The following ZSCAN32 variants were observed in gnomAD, a reference collection of about 807,000 sequenced individuals.
The protein encoded by ZSCAN32 is zinc finger and SCAN domain-containing protein 32.
ZSCAN32 carries 52 observed loss-of-function variants against 47.4 expected under a neutral mutation model. The ratio of observed to expected loss-of-function variants is 1.10; its 90% CI spans 0.88 to 1.38. The LOEUF (loss-of-function observed/expected upper bound fraction) is 1.38. Ranked by LOEUF, ZSCAN32 falls within the 40% of genes most tolerant of loss-of-function variation. The probability of loss-of-function intolerance (pLI) is 0.00; values close to 1 mark genes in which losing one functional copy is unlikely to be tolerated. For synonymous variants in ZSCAN32, 346 were observed against 305.7 expected (o/e 1.13, Z -1.38); for missense variants, 959 against 846.0 (o/e 1.13, Z -1.66).
At chr16:3,400,278 G>C (rs2033766908) in intron 1 of ZSCAN32, among the ~76,000 whole-genome samples, 1 of 152,150 alleles carries the variant, frequency 6.6e-6, no homozygotes, top group Non-Finnish European at 1.5e-5. Flanking sequence ...AAGAAACTGA[G>C]AGCGATGAAG....
At position 3,382,814 on chromosome 16, in the gene ZSCAN32, T is replaced by C. The variant is rs1304097524; in HGVS notation, c.*38A>G. ...ACAGCAGAAGAAAGCTCATACATGC[T>C]GACCTGAGGAACTTAATCTGACAGT... On this transcript the variant is annotated 3_prime_UTR_variant, in exon 7 of 7. Coordinates refer to ENST00000396852, the MANE Select transcript of ZSCAN32 (RefSeq NM_001284527.2). 3 of 1,529,464 alleles carry C rather than the reference T, an allele frequency of 2.0e-6. No homozygotes were observed. In the South Asian group the frequency reaches 3.9e-5, roughly 20 times the overall value. 94.7% of individuals were successfully genotyped at this position (1,529,464 alleles called of 1,614,324 possible).
chr16:3,392,384 T>A (rs1303989756), intron 3 of ZSCAN32, among the ~76,000 whole-genome samples: 1 of 152,114 alleles, frequency 6.6e-6, no homozygotes, highest in East Asian at 1.9e-4. Flanking sequence ...AATTTTTTTT[T>A]TTTTTTTTTG....
intron 6 of ZSCAN32, 181 bp from the exon 7 acceptor site, chr16:3,383,892 T>C: frequency 1.3e-6 from 1 of 754,764 alleles, no homozygotes; most frequent in Non-Finnish European, 2.0e-6. Flanking sequence ...TCCAAATTAT[T>C]ACAGGAAAAT....
chr16:3,391,098 A>C (rs889630613), intron 3 of ZSCAN32, among the ~76,000 whole-genome samples: 1 of 152,234 alleles, frequency 6.6e-6, no homozygotes, highest in South Asian at 2.1e-4. Flanking sequence ...AAAATGAATC[A>C]TGTCTATGAC....
chr16:3,393,601 A>G (rs1031917407), intron 3 of ZSCAN32, 48 bp downstream of exon 3: 1 of 1,468,122 alleles, frequency 6.8e-7, no homozygotes, highest in Non-Finnish European at 9.1e-7. Flanking sequence ...TTTCCAGTAA[A>G]TGATTGTTCC....
intron 5 of ZSCAN32, among the ~76,000 whole-genome samples, chr16:3,388,620 G>A (rs1190068259): frequency 1.3e-5 from 2 of 152,152 alleles, no homozygotes; most frequent in African/African-American, 4.8e-5. Flanking sequence ...TAATATTTGT[G>A]GAAAGAATGA....
At chr16:3,394,643 T>C (rs1257626970) in intron 2 of ZSCAN32, among the ~76,000 whole-genome samples, 1 of 152,172 alleles carries the variant, frequency 6.6e-6, no homozygotes, top group Admixed American at 6.5e-5. Context: ...AACAGCACTC[T>C]TCAGTGGCTT....
intron 6 of ZSCAN32, 91 bp downstream of exon 6, chr16:3,384,368 G>T (rs1303427544): frequency 2.6e-6 from 4 of 1,526,770 alleles, no homozygotes; most frequent in South Asian, 1.2e-5. Flanking sequence ...ATGATGCCAG[G>T]ATCAGTGACA....
At chr16:3,400,221 A>ATC (rs2033760300) in intron 1 of ZSCAN32, among the ~76,000 whole-genome samples, 2 of 152,368 alleles carry the variant, frequency 1.3e-5, no homozygotes, top group South Asian at 4.1e-4. Context: ...TTCTAGAGAT[A>ATC]GAGAAATCAA....
At chr16:3,389,122 C>A (rs1275931001) in intron 5 of ZSCAN32, among the ~76,000 whole-genome samples, 1 of 152,190 alleles carries the variant, frequency 6.6e-6, no homozygotes, top group South Asian at 2.1e-4. Flanking sequence ...ACACTATACT[C>A]TCCTGCAACT....
chr16:3,385,303 T>G (rs1436207533), intron 5 of ZSCAN32, among the ~76,000 whole-genome samples: 1 of 152,104 alleles, frequency 6.6e-6, no homozygotes, highest in Non-Finnish European at 1.5e-5. Context: ...TCCAGCCTGA[T>G]GACAGAGAGA....
rs1163400668 is a variant in ZSCAN32 at position 3,397,294 on chromosome 16, G to C, written c.264C>G (p.Ile88Met). 1 of 1,572,312 alleles carries C rather than the reference G, an allele frequency of 6.4e-7. No homozygotes were observed. The highest frequency in any genetic ancestry group is 2.3e-5 in the East Asian group (1 of 42,892). Reference sequence around the variant, plus strand: ...CCCAGGTCTGGATCTCCTCTGGCAAGATAGTCAGAAACTGCTCCAAAACCA... The same window carrying C: ...CCCAGGTCTGGATCTCCTCTGGCAACATAGTCAGAAACTGCTCCAAAACCA... ...ELLVLEQFLT[I>M]LPEEIQTWVR... Residue 88 changes from isoleucine to methionine, a missense_variant, in exon 2 of 7, where the codon ATC (isoleucine) becomes ATG (methionine). Ile to Met is a conservative substitution (Grantham distance 10). Transcript: ENST00000396852.
chr16:3,391,639 G>A (rs78047718), intron 3 of ZSCAN32, among the ~76,000 whole-genome samples: 11,516 of 146,100 alleles, frequency 0.079, 570 homozygotes, highest in Non-Finnish European at 0.11. Context: ...ACATCATGCC[G>A]CTACACTCCA....
At chr16:3,385,111 T>G (rs1335634731) in intron 5 of ZSCAN32, among the ~76,000 whole-genome samples, 170 bp from the exon 6 acceptor site, 5 of 152,024 alleles carry the variant, frequency 3.3e-5, no homozygotes, top group Non-Finnish European at 5.9e-5. Context: ...GATCATGAGG[T>G]CAAGAGATCG....
chr16:3,386,529 T>C (rs564244242), intron 5 of ZSCAN32, among the ~76,000 whole-genome samples: 1 of 152,280 alleles, frequency 6.6e-6, no homozygotes, highest in South Asian at 2.1e-4. Context: ...CAGCAAAGAC[T>C]TGGAACCAAG....
At chr16:3,397,835 C>CCA in intron 1 of ZSCAN32, 91 bp from the exon 2 acceptor site, 1 of 263,988 alleles carries the variant, frequency 3.8e-6, no homozygotes, top group Non-Finnish European at 7.1e-6. Flanking sequence ...TCCTTTACTC[C>CCA]CTCCACAAAT....
chr16:3,395,753 C>A (rs1400107029), intron 2 of ZSCAN32, among the ~76,000 whole-genome samples: 4 of 152,170 alleles, frequency 2.6e-5, no homozygotes, highest in Non-Finnish European at 4.4e-5. Flanking sequence ...ATTCCCAACA[C>A]TTTGGGAGGC....
intron 5 of ZSCAN32, among the ~76,000 whole-genome samples, chr16:3,388,203 T>G (rs759386995): frequency 2.0e-5 from 3 of 152,212 alleles, no homozygotes; most frequent in Non-Finnish European, 4.4e-5. Context: ...CTTTCTGAGC[T>G]CGTTTTCTCA....
At chr16:3,393,217 T>TAA (rs2032978997) in intron 3 of ZSCAN32, among the ~76,000 whole-genome samples, 1 of 14,518 alleles carries the variant, frequency 6.9e-5, no homozygotes, top group Non-Finnish European at 1.1e-4. Flanking sequence ...TTTATATATA[T>TAA]ATATATATAT....
Sources: allele counts gnomAD v4.1 joint callset (sites outside exome capture counted in the v4.1 genomes callset), GRCh38; gene constraint gnomAD v4.1.1; transcripts MANE v1.5; gene names NCBI Gene and HGNC (gene_info 2026-07-23, HGNC 2026-07-21).